Variants in NEUROD4 observed in about 807,000 individuals in gnomAD.
The protein encoded by NEUROD4 is neurogenic differentiation factor 4.
NEUROD4 carries 16 observed loss-of-function variants against 19.8 expected under a neutral mutation model. The observed-to-expected ratio is 0.81, with a 90% CI of 0.55 to 1.23. The LOEUF is 1.23. Among genes scored for constraint, NEUROD4 ranks in the 50% most tolerant of loss-of-function variants. The pLI is 0.00. For missense variants in NEUROD4, 439 were observed against 398.6 expected (o/e 1.10, Z -0.86); for synonymous variants, 153 against 147.9 (o/e 1.03, Z -0.25).
chr12:55,029,476 G>C lies in NEUROD4; in HGVS notation c.*2041G>C, dbSNP rs1261687541. The C allele has an allele frequency of 6.0e-6, 1 of 166,904 alleles. No individual in the cohort carries two copies. The highest frequency in any genetic ancestry group is 6.5e-5 in the Admixed American group (1 of 15,274). 10.3% of individuals were successfully genotyped at this position (166,904 alleles called of 1,614,324 possible). On this transcript the variant is annotated 3_prime_UTR_variant, in exon 2 of 2. Coordinates refer to ENST00000242994, the MANE Select transcript of NEUROD4 (RefSeq NM_021191.3). Reference sequence around the variant, plus strand: ...TTTGTAGATAATCACTGTTGTTTGAGTTATTTATTAGATATTATTTATTTA... The same window carrying C: ...TTTGTAGATAATCACTGTTGTTTGACTTATTTATTAGATATTATTTATTTA...
chr12:55,027,426 C>T lies in NEUROD4; in HGVS notation c.987C>T (p.Phe329=), dbSNP rs761841454. The T allele has an allele frequency of 2.1e-5, 33 of 1,601,966 alleles. No individual in the cohort carries two copies. Among genetic ancestry groups the T allele is most frequent in the Non-Finnish European group, 2.5e-5 (29 of 1,174,402 alleles). The change falls in exon 2 of 2, where the codon TTC becomes TTT. Residue 329 remains phenylalanine (F), a synonymous_variant. Transcript: ENST00000242994. ...HGIGTQLNTV[F]TE ...TTGGGACCCAACTCAATACAGTCTT[C>T]ACTGAGTGAGGCAGTTAAGTTCAAT...
intron 1 of NEUROD4, among the ~76,000 whole-genome samples, chr12:55,020,813 T>C (rs1244034192): frequency 6.6e-6 from 1 of 152,120 alleles, no homozygotes; most frequent in Non-Finnish European, 1.5e-5. Flanking sequence ...CGGGGTAGAT[T>C]CTCACCATTA....
In NEUROD4 at chr12:55,027,650, T is replaced by C; in HGVS notation, c.*215T>C. ...TATAGAGTCCTCAAGTGAAAATATT[T>C]GATGATTTAACAACCATGTGAAAAT... On this transcript the variant is annotated 3_prime_UTR_variant, in exon 2 of 2. Coordinates refer to ENST00000242994, the MANE Select transcript of NEUROD4 (RefSeq NM_021191.3). 1 of 483,410 alleles carries C rather than the reference T, an allele frequency of 2.1e-6. No individual in the cohort carries two copies. The highest frequency in any genetic ancestry group is 3.7e-6 in the Non-Finnish European group (1 of 269,524). The allele number at this position is 483,410 out of a possible 1,614,324, so 29.9% of individuals were successfully genotyped here. A position where few individuals can be genotyped will look rare whatever the true frequency, so the allele number is the denominator to read the frequency against.
chr12:55,021,432 A>G (rs1418411952), intron 1 of NEUROD4, among the ~76,000 whole-genome samples: 1 of 152,202 alleles, frequency 6.6e-6, no homozygotes, highest in African/African-American at 2.4e-5. Context: ...TAAAGAGATT[A>G]TCACCAGCTT....
At chr12:55,026,341 C>A in intron 1 of NEUROD4, 90 bp from the exon 2 acceptor site, 1 of 1,144,328 alleles carries the variant, frequency 8.7e-7, no homozygotes. Context: ...GAATGGAAGA[C>A]TTGGACAAGA....
intron 1 of NEUROD4, among the ~76,000 whole-genome samples, chr12:55,021,810 A>G (rs1047167958): frequency 6.6e-6 from 1 of 152,196 alleles, no homozygotes; most frequent in Non-Finnish European, 1.5e-5. Flanking sequence ...AATGGCTAAA[A>G]ATGGACTTTA....
chr12:55,024,284 A>G lies in NEUROD4; in HGVS notation c.-9-2147A>G, dbSNP rs147851496. Reference sequence around the variant, plus strand: ...TGATAGAAGAAGAACAAGGAAAATAAAAACATAAAACCTAAGATGTAAAAT... The same window carrying G: ...TGATAGAAGAAGAACAAGGAAAATAGAAACATAAAACCTAAGATGTAAAAT... On this transcript the variant is annotated intron_variant, in intron 1 of 1. Transcript: ENST00000242994. Among the ~76,000 whole-genome samples, 644 of 152,292 alleles carry G rather than the reference A, an allele frequency of 4.2e-3. 4 individuals carry two copies. Among genetic ancestry groups the G allele is most frequent in the African/African-American group, 0.015 (614 of 41,564 alleles).
In NEUROD4 at chr12:55,027,352, T is replaced by A. The variant is rs764292195; in HGVS notation, c.913T>A (p.Tyr305Asn). The A allele has an allele frequency of 4.3e-6, 7 of 1,614,032 alleles. 1 individual carries two copies. The South Asian group carries it at 7.7e-5, about 18-fold the overall frequency. Residue 305 changes from tyrosine to asparagine, a missense_variant, in exon 2 of 2, where the codon TAT becomes AAT. Coordinates refer to ENST00000242994, the MANE Select transcript of NEUROD4 (RefSeq NM_021191.3). ...TCCTTTTCAGGCTGGTACCCCCCGTTATGATGTTCCTATAGACATGTCCTA... is the reference window on the plus strand; with the variant it reads ...TCCTTTTCAGGCTGGTACCCCCCGTAATGATGTTCCTATAGACATGTCCTA... ...STPFQAGTPR[Y>N]DVPIDMSYDS... is the part of the protein sequence containing the mutation.
chr12:55,026,628 T>C lies in NEUROD4; in HGVS notation c.189T>C (p.Asp63=). Residue 63 remains aspartate, a synonymous_variant, in exon 2 of 2, where the codon GAT becomes GAC. Coordinates refer to ENST00000242994, the MANE Select transcript of NEUROD4 (RefSeq NM_021191.3). ...AGGAAGAAGAAGAAGAGGAAGAAGA[T>C]GGGGAGAAACCTAAGAGAAGGGGTC... ...SIEEEEEEEE[D]GEKPKRRGPK... 1 of 1,613,292 alleles carries C rather than the reference T, an allele frequency of 6.2e-7. No individual in the cohort carries two copies. The highest frequency in any genetic ancestry group is 1.1e-5 in the South Asian group (1 of 91,048).
chr12:55,023,970 G>A (rs982492826), intron 1 of NEUROD4, among the ~76,000 whole-genome samples: 28 of 152,100 alleles, frequency 1.8e-4, no homozygotes, highest in African/African-American at 6.5e-4. Context: ...AGGTAGGGAT[G>A]GTGAAAAAGG....
intron 1 of NEUROD4, among the ~76,000 whole-genome samples, chr12:55,023,811 C>G (rs1952693361): frequency 6.6e-6 from 1 of 152,166 alleles, no homozygotes; most frequent in Admixed American, 6.5e-5. Context: ...TTATACCCAC[C>G]AACAAGCTGA....
intron 1 of NEUROD4, among the ~76,000 whole-genome samples, chr12:55,022,217 A>G (rs897218061): frequency 6.6e-6 from 1 of 152,146 alleles, no homozygotes; most frequent in African/African-American, 2.4e-5. Flanking sequence ...GTGAATGATG[A>G]AACAGTCTTG....
rs866503677 is a variant in NEUROD4, at chr12:55,021,132, T to A, written c.-10+819T>A. Among the ~76,000 whole-genome samples, 4 of 152,290 alleles carry A rather than the reference T, an allele frequency of 2.6e-5. No individual in the cohort carries two copies. In the Middle Eastern group the frequency reaches 0.014, roughly 518 times the overall value. On this transcript the variant is annotated intron_variant, in intron 1 of 1. Coordinates refer to ENST00000242994, the MANE Select transcript of NEUROD4 (RefSeq NM_021191.3). ...AGATCTGAGGCAATGGCACCTGAAG[T>A]ATTACATGGCTTTGCTGGACAAAAT...
rs545086627 is a variant in NEUROD4, at chr12:55,029,826, G to A, written c.*2391G>A. On this transcript the variant is annotated 3_prime_UTR_variant, in exon 2 of 2. Coordinates refer to ENST00000242994, the MANE Select transcript of NEUROD4 (RefSeq NM_021191.3). ...CCAAGCCTCCCTGAAATTGTACAGA[G>A]GGATTTTATAATTGAATTAAAATTT... 2 of 167,114 alleles carry A rather than the reference G, an allele frequency of 1.2e-5. No individual in the cohort carries two copies. The highest frequency in any genetic ancestry group is 2.1e-4 in the South Asian group (1 of 4,822). The allele number at this position is 167,114 out of a possible 1,614,324, so 10.4% of individuals were successfully genotyped here. A position where few individuals can be genotyped will look rare whatever the true frequency, so the allele number is the denominator to read the frequency against.
In NEUROD4 at chr12:55,026,870, A is replaced by G. The variant is rs1176725499; in HGVS notation, c.431A>G (p.Glu144Gly). ...ATTTGGGCTTTATCTGAAGTCCTGGAGACTGGCCAGACACCTGAAGGGAAA... is the reference window on the plus strand; with the variant it reads ...ATTTGGGCTTTATCTGAAGTCCTGGGGACTGGCCAGACACCTGAAGGGAAA... The part of the protein sequence containing the change: ...NYIWALSEVL[E>G]TGQTPEGKGF... The change falls in exon 2 of 2, where the codon GAG becomes GGG. Residue 144 changes from glutamate (E) to glycine (G), a missense_variant. Physicochemically the swap from Glu to Gly is moderately conservative, Grantham distance 98. Transcript: ENST00000242994. 3 of 1,614,016 alleles carry G rather than the reference A, an allele frequency of 1.9e-6. No individual in the cohort carries two copies. The African/African-American group carries it at 4.0e-5, about 22-fold the overall frequency.
chr12:55,025,467 C>T (rs1952718006), intron 1 of NEUROD4, among the ~76,000 whole-genome samples: 1 of 152,212 alleles, frequency 6.6e-6, no homozygotes, highest in South Asian at 2.1e-4. Context: ...ACTGGCTGCA[C>T]TCCTAGCTGT....
chr12:55,029,146 A>C lies in NEUROD4; in HGVS notation c.*1711A>C, dbSNP rs971116335. On this transcript the variant is annotated 3_prime_UTR_variant, in exon 2 of 2. Coordinates refer to ENST00000242994, the MANE Select transcript of NEUROD4 (RefSeq NM_021191.3). ...AACTATATGTGTATCTTGTCTGTTT[A>C]CCTCTCTTATTTATTATCTCCATAC... 1.2e-5 allele frequency: 2 copies of C among 166,544 alleles called. No individual in the cohort carries two copies. The highest frequency in any genetic ancestry group is 4.8e-5 in the African/African-American group (2 of 41,264). The allele number at this position is 166,544 out of a possible 1,614,324, so 10.3% of individuals were successfully genotyped here. A position where few individuals can be genotyped will look rare whatever the true frequency, so the allele number is the denominator to read the frequency against.
In NEUROD4 at chr12:55,026,851, G is replaced by C. The variant is rs904781631; in HGVS notation, c.412G>C (p.Ala138Pro). The change falls in exon 2 of 2, where the codon GCT becomes CCT. Residue 138 changes from alanine (A) to proline (P), a missense_variant. Coordinates refer to ENST00000242994, the MANE Select transcript of NEUROD4 (RefSeq NM_021191.3). ...TLRLARNYIW[A>P]LSEVLETGQT... ...TAGACTGGCCAGGAACTATATTTGG[G>C]CTTTATCTGAAGTCCTGGAGACTGG... The C allele has an allele frequency of 1.2e-6, 2 of 1,613,944 alleles. No individual in the cohort carries two copies. The highest frequency in any genetic ancestry group is 1.7e-6 in the Non-Finnish European group (2 of 1,180,010).
chr12:55,028,617 G>A lies in NEUROD4; in HGVS notation c.*1182G>A, dbSNP rs893154991. 5 of 166,772 alleles carry A rather than the reference G, an allele frequency of 3.0e-5. No homozygotes were observed. The highest frequency in any genetic ancestry group is 9.7e-5 in the African/African-American group (4 of 41,332). The allele number at this position is 166,772 out of a possible 1,614,324, so 10.3% of individuals were successfully genotyped here. A position where few individuals can be genotyped will look rare whatever the true frequency, so the allele number is the denominator to read the frequency against. On this transcript the variant is annotated 3_prime_UTR_variant, in exon 2 of 2. Transcript: ENST00000242994. ...AGCACCAATCAATTTATTGATCAAG[G>A]TTAAATTTTTCCAACATATATGTAG...
Sources: allele counts gnomAD v4.1 joint callset (sites outside exome capture counted in the v4.1 genomes callset), GRCh38; gene constraint gnomAD v4.1.1; transcripts MANE v1.5; gene names NCBI Gene and HGNC (gene_info 2026-07-23, HGNC 2026-07-21).